Variants in SLC8A1 observed in about 807,000 individuals in gnomAD.
SLC8A1 encodes sodium/calcium exchanger 1.
Under a neutral mutation model 68.3 loss-of-function variants are expected in SLC8A1, and 18 were observed. That is an observed-to-expected ratio of 0.26 (90% CI 0.18 to 0.39). SLC8A1 has a LOEUF of 0.39. Among genes scored for constraint, SLC8A1 ranks in the 10% least tolerant of loss-of-function variants. The probability of loss-of-function intolerance (pLI) is 1.00; values close to 1 mark genes in which losing one functional copy is unlikely to be tolerated. For synonymous variants in SLC8A1, 475 were observed against 415.5 expected, an observed-to-expected ratio of 1.14 and a Z score of -1.74; for missense variants, 985 against 1,156.7, an observed-to-expected ratio of 0.85 and a Z score of 2.15.
At chr2:40,116,298 T>C (rs1404880389) in intron 7 of SLC8A1, among the ~76,000 whole-genome samples, 1 of 151,994 alleles carries the variant, frequency 6.6e-6, no homozygotes, top group Admixed American at 6.5e-5. Context: ...TTGATTGTGA[T>C]GGTACTTTTT....
At chr2:40,268,677 C>T (rs2065659686) in intron 2 of SLC8A1, among the ~76,000 whole-genome samples, 1 of 152,128 alleles carries the variant, frequency 6.6e-6, no homozygotes, top group Non-Finnish European at 1.5e-5. Flanking sequence ...AGTTGGTAGG[C>T]TACTTTCTGG....
At chr2:40,500,851 T>C (rs1376285971) in intron 1 of SLC8A1, among the ~76,000 whole-genome samples, 1 of 130,826 alleles carries the variant, frequency 7.6e-6, no homozygotes, top group African/African-American at 2.8e-5. Flanking sequence ...GTGTCTATCC[T>C]GCCTACTGCA....
At chr2:40,375,099 T>G (rs1440531227) in intron 2 of SLC8A1, among the ~76,000 whole-genome samples, 1 of 152,028 alleles carries the variant, frequency 6.6e-6, no homozygotes. Context: ...CAAAGACTGT[T>G]TTGGTAAGTT....
In SLC8A1 at chr2:40,466,449, T is replaced by A. The variant is rs1208950920; in HGVS notation, c.-24-36145A>T. Among the ~76,000 whole-genome samples the A allele has an allele frequency of 2.0e-5, 3 of 152,130 alleles. 1 individual carries two copies. In the South Asian group the frequency reaches 6.2e-4, roughly 31 times the overall value. On this transcript the variant is annotated intron_variant, in intron 1 of 7. Coordinates refer to the SLC8A1 transcript ENST00000402441. ...TTAAAGGTCCTCTACAGCTTTTACA[T>A]CCAATAAGATGGTCAGCTGCCTGCC...
At chr2:40,323,358 G>C (rs2075435806) in intron 2 of SLC8A1, among the ~76,000 whole-genome samples, 1 of 152,040 alleles carries the variant, frequency 6.6e-6, no homozygotes, top group African/African-American at 2.4e-5. Flanking sequence ...AAAGCTCACA[G>C]GTCTTGCAAA....
chr2:40,439,664 A>T (rs1172756182), intron 1 of SLC8A1, among the ~76,000 whole-genome samples: 1 of 152,102 alleles, frequency 6.6e-6, no homozygotes, highest in Non-Finnish European at 1.5e-5. Context: ...TTTTTCAGTG[A>T]GTCATTAAGA....
At chr2:40,321,217 A>G (rs890567657) in intron 2 of SLC8A1, among the ~76,000 whole-genome samples, 1 of 152,112 alleles carries the variant, frequency 6.6e-6, no homozygotes, top group East Asian at 1.9e-4. Context: ...TCCTTTTCAC[A>G]TAATGACTTT....
intron 2 of SLC8A1, among the ~76,000 whole-genome samples, chr2:40,182,889 GAGA>G (rs1187807626): frequency 6.6e-6 from 1 of 152,122 alleles, no homozygotes; most frequent in Non-Finnish European, 1.5e-5. Context: ...TTGATGTTGG[GAGA>G]AGATCAGGAA....
At chr2:40,217,020 A>G (rs2057598367) in intron 2 of SLC8A1, among the ~76,000 whole-genome samples, 1 of 152,058 alleles carries the variant, frequency 6.6e-6, no homozygotes, top group Admixed American at 6.6e-5. Flanking sequence ...CCATTTCTCA[A>G]TTTTGACTTT....
chr2:40,248,136 T>C (rs2062146184), intron 2 of SLC8A1, among the ~76,000 whole-genome samples: 1 of 152,168 alleles, frequency 6.6e-6, no homozygotes, highest in South Asian at 2.1e-4. Context: ...TTCTACACTT[T>C]TGATGACATT....
At chr2:40,184,026 A>C (rs410912) in intron 2 of SLC8A1, among the ~76,000 whole-genome samples, 96,032 of 151,662 alleles carry the variant, frequency 0.63, 31,204 homozygotes, top group Middle Eastern at 0.81. Context: ...ATGCAAAAAA[A>C]ACCAGATGGG....
At chr2:40,101,786 G>A (rs1428614293) in exon 8 of SLC8A1, 1 of 152,038 alleles carries the variant, frequency 6.6e-6, no homozygotes, top group African/African-American at 2.4e-5. Context: ...TCAAATTTGA[G>A]CATGCATCAG....
At chr2:40,223,086 G>A (rs185961966) in intron 2 of SLC8A1, among the ~76,000 whole-genome samples, 91 of 152,112 alleles carry the variant, frequency 6.0e-4, no homozygotes, top group African/African-American at 2.2e-3. Flanking sequence ...TATTGCAGCA[G>A]TATTCACAAC....
At position 40,213,984 on chromosome 2, in the gene SLC8A1, T is replaced by C. The variant is rs2057044269; in HGVS notation, c.1809-36129A>G. ...GTCATGGAAAATGAATAGCCACAGA[T>C]GATCACAGATATTCAGAAATCCTCA... is the stretch of plus-strand genomic sequence containing the variant. On this transcript the variant is annotated intron_variant, in intron 2 of 7. Transcript: ENST00000406785. 2.0e-5 allele frequency among the ~76,000 whole-genome samples: 3 copies of C among 152,184 alleles called. No homozygotes were observed. In the South Asian group the frequency reaches 6.2e-4, roughly 31 times the overall value.
At chr2:40,411,381 G>A (rs1344062760) in intron 2 of SLC8A1, among the ~76,000 whole-genome samples, 3 of 151,982 alleles carry the variant, frequency 2.0e-5, no homozygotes, top group African/African-American at 7.2e-5. Context: ...AATTACACAT[G>A]CCCATTAGGA....
chr2:40,127,385 C>G (rs1412583023), intron 7 of SLC8A1, among the ~76,000 whole-genome samples: 4 of 152,184 alleles, frequency 2.6e-5, no homozygotes. Flanking sequence ...AAACCAAGTG[C>G]TGGTTCCCCT....
exon 8 of SLC8A1, chr2:40,104,609 A>G (rs920734676): frequency 2.6e-5 from 4 of 152,234 alleles, no homozygotes; most frequent in Non-Finnish European, 4.4e-5. Context: ...TTAGAATGCC[A>G]TAAGTGGACT....
chr2:40,297,890 G>GT (rs1281254361), intron 2 of SLC8A1, among the ~76,000 whole-genome samples: 2 of 151,938 alleles, frequency 1.3e-5, no homozygotes, highest in South Asian at 2.1e-4. Context: ...TCTGTTTTTT[G>GT]TTTTTTTGAA....
intron 1 of SLC8A1, among the ~76,000 whole-genome samples, chr2:40,460,025 G>A (rs1447809028): frequency 1.9e-5 from 2 of 102,812 alleles, no homozygotes; most frequent in African/African-American, 4.0e-5. Flanking sequence ...TAACGTCAAT[G>A]GTGTCAATGG....
Sources: allele counts gnomAD v4.1 joint callset (sites outside exome capture counted in the v4.1 genomes callset), GRCh38; gene constraint gnomAD v4.1.1; transcripts MANE v1.5; gene names NCBI Gene and HGNC (gene_info 2026-07-23, HGNC 2026-07-21).